NPHP3: variants seen among roughly 807,000 people sequenced by gnomAD.
The protein encoded by NPHP3 is nephrocystin 3.
NPHP3 carries 123 observed loss-of-function variants against 171.9 expected under a neutral mutation model. That is an observed-to-expected ratio of 0.72 (90% CI 0.62 to 0.83). NPHP3 has a LOEUF of 0.83. NPHP3 is among the 40% of genes least tolerant of loss of function. The pLI, the probability that NPHP3 is intolerant of heterozygous loss-of-function variation, is 0.00. For missense variants in NPHP3, 1,506 were observed against 1,591.9 expected, an observed-to-expected ratio of 0.95 and a Z score of 0.92; for synonymous variants, 558 against 579.2, an observed-to-expected ratio of 0.96 and a Z score of 0.52.
At chr3:132,693,150 A>G (rs1939342734) in intron 16 of NPHP3, 4 of 272,128 alleles carry the variant, frequency 1.5e-5, no homozygotes, top group South Asian at 1.3e-4. Context: ...TAGCCCTCCT[A>G]TTATAAACAC....
Position 132,716,955 on chromosome 3 carries a change from T to C in NPHP3, c.671-46A>G, listed in dbSNP as rs1381240012. 8 of 1,601,868 alleles carry C rather than the reference T, an allele frequency of 5.0e-6. No homozygotes were observed. In the Admixed American group the frequency reaches 5.0e-5, roughly 10 times the overall value. On this transcript the variant is annotated intron_variant, in intron 3 of 26. Coordinates refer to ENST00000337331, the MANE Select transcript of NPHP3 (RefSeq NM_153240.5). ...ATCTTGTGAAAGCCAACTTATTGAA[T>C]GTTCAAAAACTCATCACATATACCG... is the stretch of plus-strand genomic sequence containing the variant.
chr3:132,700,408 G>T lies in NPHP3; in HGVS notation c.1669C>A (p.Leu557Ile). The T allele has an allele frequency of 6.2e-7, 1 of 1,613,118 alleles. No homozygotes were observed. Among genetic ancestry groups the T allele is most frequent in the Non-Finnish European group, 8.5e-7 (1 of 1,179,442 alleles). ...QQKNSPNTLILSHFVGRPMST... is the reference protein window; with the variant it reads ...QQKNSPNTLIISHFVGRPMST... ...ATGGGCCTTCCCACAAAATGGGAAA[G>T]AATCAGTGTGTTGGGGGAATTCTTC... Residue 557 changes from leucine (L) to isoleucine (I), a missense_variant, in exon 11 of 27, where the codon CTT (leucine) becomes ATT (isoleucine). By Grantham distance (5) the Leu-to-Ile change is conservative. This residue lies in a region of NPHP3 where 930 missense variants were observed against 924.9 expected (regional missense o/e 1.01). Coordinates refer to ENST00000337331, the MANE Select transcript of NPHP3 (RefSeq NM_153240.5).
chr3:132,707,975 A>G, intron 7 of NPHP3, 126 bp downstream of exon 7: 1 of 885,578 alleles, frequency 1.1e-6, no homozygotes, highest in Non-Finnish European at 1.8e-6. Flanking sequence ...CCCCTCACTT[A>G]TCTGTTCCAG....
intron 6 of NPHP3, among the ~76,000 whole-genome samples, chr3:132,710,044 T>C (rs6766736): frequency 0.055 from 8,353 of 152,220 alleles, 362 homozygotes; most frequent in African/African-American, 0.13. Flanking sequence ...TTTATTCAAA[T>C]AATCTGGTGG....
At position 132,690,654 on chromosome 3, in the gene NPHP3, T is replaced by C; in HGVS notation, c.2571-4A>G. ...TCTCCAAGTCACTCTGTCCTGACTA[T>C]CAAAAGAGAGGAGACAATATTCAAT... On this transcript the variant is annotated splice_polypyrimidine_tract_variant and splice_region_variant and intron_variant, in intron 18 of 26. Transcript: ENST00000337331. 3.1e-6 allele frequency: 5 copies of C among 1,613,754 alleles called. No homozygotes were observed. The highest frequency in any genetic ancestry group is 2.2e-5 in the East Asian group (1 of 44,848).
At position 132,719,031 on chromosome 3, in the gene NPHP3, C is replaced by T. The variant is rs754768069; in HGVS notation, c.633G>A (p.Gly211=). The part of the protein sequence containing the change: ...QAQGIQVFDP[G]ESDSDDNCTD... Reference sequence around the variant, plus strand: ...TACAGTTGTCATCTGAATCAGACTCCCCAGGATCAAATACTTGGATACCCT... The same window carrying T: ...TACAGTTGTCATCTGAATCAGACTCTCCAGGATCAAATACTTGGATACCCT... Residue 211 remains glycine (G), a synonymous_variant, in exon 3 of 27, where the codon GGG becomes GGA. Coordinates refer to ENST00000337331, the MANE Select transcript of NPHP3 (RefSeq NM_153240.5). The T allele has an allele frequency of 1.2e-6, 2 of 1,614,080 alleles. No homozygotes were observed. Among genetic ancestry groups the T allele is most frequent in the East Asian group, 2.2e-5 (1 of 44,884 alleles).
In NPHP3 at chr3:132,715,148, G is replaced by A. The variant is rs988823074; in HGVS notation, c.894C>T (p.Asn298=). ...TATAAATGAGGTAACATCTGACAGTGTTACTCCACAGAGAATGTGAAAACA... is the reference window on the plus strand; with the variant it reads ...TATAAATGAGGTAACATCTGACAGTATTACTCCACAGAGAATGTGAAAACA... ...TPLFSHSLWS[N]TVRCYLIYTD... The change falls in exon 5 of 27, where the codon AAC becomes AAT. Residue 298 remains asparagine, a synonymous_variant. Coordinates refer to ENST00000337331, the MANE Select transcript of NPHP3 (RefSeq NM_153240.5). 7.5e-6 allele frequency: 12 copies of A among 1,610,284 alleles called. No individual in the cohort carries two copies. The African/African-American group carries it at 1.2e-4, about 16-fold the overall frequency.
chr3:132,710,877 AC>A (rs899951716), intron 6 of NPHP3, among the ~76,000 whole-genome samples: 1 of 151,632 alleles, frequency 6.6e-6, no homozygotes, highest in African/African-American at 2.4e-5. Flanking sequence ...ACTAAGCATG[AC>A]TTCCTGCCTA....
In NPHP3 at chr3:132,683,446, T is replaced by C. The variant is rs540287231; in HGVS notation, c.3649A>G (p.Ser1217Gly). The change falls in exon 25 of 27, where the codon AGT becomes GGT. Residue 1217 changes from serine (S) to glycine (G), a missense_variant. Transcript: ENST00000337331. ...RQKSFGPKHP[S>G]VATALVNLAV... ...AAGTTCACCAAGGCAGTAGCTACAC[T>C]AGGGTGCTTTGGGCCAAAAGATTTC... is the stretch of plus-strand genomic sequence containing the variant. 1 of 1,612,884 alleles carries C rather than the reference T, an allele frequency of 6.2e-7. No homozygotes were observed. Among genetic ancestry groups the C allele is most frequent in the Non-Finnish European group, 8.5e-7 (1 of 1,179,154 alleles).
chr3:132,704,056 C>G (rs1939684562), intron 9 of NPHP3, 142 bp downstream of exon 9: 7 of 851,044 alleles, frequency 8.2e-6, no homozygotes, highest in Non-Finnish European at 1.3e-5. Flanking sequence ...AACCTAAGCA[C>G]ATCTCAACAT....
At chr3:132,696,670 A>G (rs1939461088) in intron 15 of NPHP3, 61 bp downstream of exon 15, 3 of 1,455,678 alleles carry the variant, frequency 2.1e-6, no homozygotes, top group Non-Finnish European at 2.9e-6. Context: ...TTGCAGGGTG[A>G]GAAAGGGTCT....
In NPHP3 at chr3:132,722,055, A is replaced by AGATCTC; in HGVS notation, c.295_300dup (p.Glu99_Ile100dup). The AGATCTC allele has an allele frequency of 6.2e-7, 1 of 1,612,986 alleles. No individual in the cohort carries two copies. Among genetic ancestry groups the AGATCTC allele is most frequent in the Non-Finnish European group, 8.5e-7 (1 of 1,179,882 alleles). On this transcript the variant is annotated inframe_insertion, in exon 1 of 27. Transcript: ENST00000337331. ...AACTCCTGGTTCTTGCTGACGCGAA[A>AGATCTC]GATCTCGTACTCCTTCCTGAGCCGC... is the stretch of plus-strand genomic sequence containing the variant.
intron 26 of NPHP3, 45 bp from the exon 27 acceptor site, chr3:132,682,135 C>G (rs772352050): frequency 6.5e-7 from 1 of 1,535,940 alleles, no homozygotes; most frequent in Non-Finnish European, 9.0e-7. Flanking sequence ...AATATAACCT[C>G]TTACCAATTC....
chr3:132,693,246 T>C (rs1415885986), intron 16 of NPHP3: 1 of 204,272 alleles, frequency 4.9e-6, no homozygotes, highest in Non-Finnish European at 9.8e-6. Flanking sequence ...AATAGGAAAT[T>C]GAAGTCAGAG....
At chr3:132,714,916 T>C (rs1940009399) in intron 5 of NPHP3, among the ~76,000 whole-genome samples, 169 bp downstream of exon 5, 1 of 152,224 alleles carries the variant, frequency 6.6e-6, no homozygotes, top group South Asian at 2.1e-4. Context: ...TCTTTACATA[T>C]AATATTGAAC....
At chr3:132,702,967 C>A (rs1939654765) in intron 9 of NPHP3, among the ~76,000 whole-genome samples, 1 of 152,162 alleles carries the variant, frequency 6.6e-6, no homozygotes, top group Non-Finnish European at 1.5e-5. Flanking sequence ...AGGTTCAACT[C>A]CCAGATCTGC....
chr3:132,687,376 C>T, intron 21 of NPHP3, 150 bp from the exon 22 acceptor site: 1 of 554,114 alleles, frequency 1.8e-6, no homozygotes, highest in Admixed American at 3.2e-5. Flanking sequence ...CATTAAGAAT[C>T]TCTAAAAACC....
At position 132,713,182 on chromosome 3, in the gene NPHP3, T is replaced by C; in HGVS notation, c.1062A>G (p.Lys354=). ...DVENQYLTVR[K]WEIEKSSLVI... is the part of the protein sequence containing the mutation. ...CTAAAGAACTTTTCTCAATTTCCCATTTTCTTACAGTGAGGTATTGATTTT... is the reference window on the plus strand; with the variant it reads ...CTAAAGAACTTTTCTCAATTTCCCACTTTCTTACAGTGAGGTATTGATTTT... Residue 354 remains lysine (K), a synonymous_variant, in exon 6 of 27, where the codon AAA becomes AAG. Transcript: ENST00000337331. 1.3e-6 allele frequency: 2 copies of C among 1,541,888 alleles called. No individual in the cohort carries two copies. Among genetic ancestry groups the C allele is most frequent in the East Asian group, 2.3e-5 (1 of 44,062 alleles).
chr3:132,707,948 C>T (rs1439058833), intron 7 of NPHP3, among the ~76,000 whole-genome samples, 153 bp downstream of exon 7: 4 of 152,118 alleles, frequency 2.6e-5, no homozygotes, highest in African/African-American at 9.7e-5. Context: ...ATCAATGAGG[C>T]CCCCTCTCCT....
Sources: allele counts gnomAD v4.1 joint callset (sites outside exome capture counted in the v4.1 genomes callset), GRCh38; gene constraint gnomAD v4.1.1; regional missense constraint gnomAD v4.1.1; transcripts MANE v1.5; gene names NCBI Gene and HGNC (gene_info 2026-07-23, HGNC 2026-07-21).